Variants in ILDR2 observed in about 807,000 individuals in gnomAD.
ILDR2 encodes the protein immunoglobulin like domain containing receptor 2.
A neutral mutation model predicts 66.8 loss-of-function variants in ILDR2; 25 were observed. That is an observed-to-expected ratio of 0.37 (90% confidence interval 0.27 to 0.52). ILDR2 has a LOEUF of 0.52. ILDR2 is among the 20% of genes least tolerant of loss of function. The pLI is 0.88. For missense variants in ILDR2, 827 were observed against 876.8 expected, an observed-to-expected ratio of 0.94 and a Z score of 0.72; for synonymous variants, 367 against 357.2, an observed-to-expected ratio of 1.03 and a Z score of -0.31.
chr1:166,907,516 CTTA>C (rs1557920327), downstream of ILDR2, among the ~76,000 whole-genome samples: 8 of 152,116 alleles, frequency 5.3e-5, no homozygotes, highest in Admixed American at 1.3e-4. Context: ...GGGAACATCT[CTTA>C]ATAAATGGAG....
intron 2 of ILDR2, among the ~76,000 whole-genome samples, chr1:166,902,112 G>C (rs1571255278): frequency 2.0e-5 from 3 of 152,286 alleles, no homozygotes; most frequent in African/African-American, 7.2e-5. Flanking sequence ...CACCCGCCTT[G>C]GCCTCCCAAA....
rs1310769069 is a variant in ILDR2, at chr1:166,909,804, TA to T, written c.*9550del. On this transcript the variant is annotated 3_prime_UTR_variant, in exon 10 of 10. Coordinates refer to ENST00000271417, the MANE Select transcript of ILDR2 (RefSeq NM_199351.3). The stretch of plus-strand genomic sequence containing the variant: ...ATTTATATATATATATATATATATA[TA>T]TCCTTCTAGCTTTGCTCTACTGGAC... 38 of 134,922 alleles carry T rather than the reference TA, an allele frequency of 2.8e-4. No individual in the cohort carries two copies. The highest frequency in any genetic ancestry group is 9.8e-4 in the African/African-American group (35 of 35,658). 8.4% of individuals were successfully genotyped at this position (134,922 alleles called of 1,614,324 possible).
intron 9 of ILDR2, among the ~76,000 whole-genome samples, chr1:166,920,197 G>A (rs556752548): frequency 6.6e-6 from 1 of 152,298 alleles, no homozygotes; most frequent in African/African-American, 2.4e-5. Context: ...ACAGACATGA[G>A]TTGTCCTTTG....
intron 1 of ILDR2, among the ~76,000 whole-genome samples, chr1:166,967,460 T>C (rs1401063350): frequency 6.6e-6 from 1 of 152,138 alleles, no homozygotes; most frequent in Non-Finnish European, 1.5e-5. Flanking sequence ...CTTCTTTCCT[T>C]AACATATTTC....
intron 6 of ILDR2, among the ~76,000 whole-genome samples, chr1:166,934,066 G>C (rs1312805933): frequency 6.6e-6 from 1 of 152,034 alleles, no homozygotes; most frequent in Non-Finnish European, 1.5e-5. Context: ...TCTACATCTA[G>C]GGATTTAAAA....
chr1:166,952,866 T>C (rs1006956761), intron 3 of ILDR2, among the ~76,000 whole-genome samples: 6 of 152,176 alleles, frequency 3.9e-5, no homozygotes, highest in Admixed American at 3.9e-4. Context: ...ACACTTGAGT[T>C]TGATCGATGA....
At chr1:166,901,189 C>T (rs1659259262) in intron 2 of ILDR2, among the ~76,000 whole-genome samples, 1 of 152,150 alleles carries the variant, frequency 6.6e-6, no homozygotes. Flanking sequence ...ATTGAGCATG[C>T]CTCAAATGCT....
chr1:166,921,021 AT>A lies in ILDR2; in HGVS notation c.1569del (p.Lys523AsnfsTer77). 6.6e-7 allele frequency: 1 copy of A among 1,514,804 alleles called. No homozygotes were observed. The allele number at this position is 1,514,804 out of a possible 1,614,324, so 93.8% of individuals were successfully genotyped here. A position where few individuals can be genotyped will look rare whatever the true frequency, so the allele number is the denominator to read the frequency against. The part of the protein sequence containing the change: ...LVSRTPGTAP[K>X]YDHSYLGSAR... Reference sequence around the variant, plus strand: ...GCGCTGCCCAGGTACGAGTGGTCGTATTTGGGTGCGGTGCCTGGCGTGCGGC... The same window carrying A: ...GCGCTGCCCAGGTACGAGTGGTCGTATTGGGTGCGGTGCCTGGCGTGCGGC... On this transcript the variant is annotated frameshift_variant, in exon 9 of 10. Transcript: ENST00000271417. LOFTEE classifies it high-confidence loss of function. This position sits in a 1 kb window ranked among gnomAD's most constrained non-coding sequence, Gnocchi z 5.3.
At chr1:166,938,563 T>C (rs1246138705) in intron 4 of ILDR2, among the ~76,000 whole-genome samples, 1 of 152,228 alleles carries the variant, frequency 6.6e-6, no homozygotes. Context: ...GTAAAAAGAA[T>C]GTCTGTGTTT....
intron 4 of ILDR2, among the ~76,000 whole-genome samples, chr1:166,938,435 G>A (rs1223031506): frequency 6.6e-6 from 1 of 152,198 alleles, no homozygotes; most frequent in African/African-American, 2.4e-5. Context: ...GTAACATCTA[G>A]TTTCAAGCAC....
At position 166,935,350 on chromosome 1, in the gene ILDR2, C is replaced by A. The variant is rs528461366; in HGVS notation, c.831G>T (p.Pro277=). 6.2e-7 allele frequency: 1 copy of A among 1,613,996 alleles called. No individual in the cohort carries two copies. Among genetic ancestry groups the A allele is most frequent in the Non-Finnish European group, 8.5e-7 (1 of 1,180,000 alleles). The change falls in exon 6 of 10, where the codon CCG becomes CCT. Residue 277 remains proline (P), a synonymous_variant. Coordinates refer to ENST00000271417, the MANE Select transcript of ILDR2 (RefSeq NM_199351.3). ...APSSGMLMDK[P]HPPPLAPSDS... ...CACTTGGTGCCAAGGGAGGTGGATGCGGCTTGTCCATCAGCATGCCAGATG... is the reference window on the plus strand; with the variant it reads ...CACTTGGTGCCAAGGGAGGTGGATGAGGCTTGTCCATCAGCATGCCAGATG...
chr1:166,959,952 GAGTCCT>G (rs1662513090), intron 1 of ILDR2, among the ~76,000 whole-genome samples: 1 of 152,172 alleles, frequency 6.6e-6, no homozygotes, highest in Non-Finnish European at 1.5e-5. Context: ...ACTTTCCATG[GAGTCCT>G]GTCCTTTATT....
chr1:166,929,600 G>A (rs1484763058), intron 6 of ILDR2, among the ~76,000 whole-genome samples: 1 of 152,194 alleles, frequency 6.6e-6, no homozygotes, highest in Non-Finnish European at 1.5e-5. Context: ...TGCATTTTCA[G>A]TAGAGTTTTC....
At chr1:166,900,266 GC>G (rs1238794424) in intron 2 of ILDR2, among the ~76,000 whole-genome samples, 2 of 143,830 alleles carry the variant, frequency 1.4e-5, no homozygotes, top group African/African-American at 2.6e-5. Context: ...TCTCTCTATT[GC>G]CATCTTTCAT....
chr1:166,955,965 T>C (rs1662256860), intron 3 of ILDR2, among the ~76,000 whole-genome samples: 1 of 152,252 alleles, frequency 6.6e-6, no homozygotes, highest in African/African-American at 2.4e-5. Flanking sequence ...TTCTTATTTC[T>C]GTATGTTCTA....
chr1:166,912,863 CT>C lies in ILDR2; in HGVS notation c.*6491del, dbSNP rs566358635. 3.3e-5 allele frequency: 5 copies of C among 152,274 alleles called. No homozygotes were observed. In the East Asian group the frequency reaches 9.7e-4, roughly 29 times the overall value. 9.4% of individuals were successfully genotyped at this position (152,274 alleles called of 1,614,324 possible). A position where few individuals can be genotyped will look rare whatever the true frequency, so the allele number is the denominator to read the frequency against. Reference sequence around the variant, plus strand: ...TTCCTCCCTTCCCCAAGTGTAATTTCTAGCAGGCATATGCTTGTGCCCCTCT... The same window carrying C: ...TTCCTCCCTTCCCCAAGTGTAATTTCAGCAGGCATATGCTTGTGCCCCTCT... On this transcript the variant is annotated 3_prime_UTR_variant, in exon 10 of 10. Transcript: ENST00000271417.
At chr1:166,929,999 T>C (rs1201040570) in intron 6 of ILDR2, among the ~76,000 whole-genome samples, 2 of 152,166 alleles carry the variant, frequency 1.3e-5, no homozygotes, top group Non-Finnish European at 2.9e-5. Context: ...GAAGCACTGT[T>C]ATGGTAAACA....
rs1203835245 is a variant in ILDR2, at chr1:166,921,961, G to A, written c.1212-582C>T. 6.6e-6 allele frequency among the ~76,000 whole-genome samples: 1 copy of A among 152,190 alleles called. No individual in the cohort carries two copies. The highest frequency in any genetic ancestry group is 1.5e-5 in the Non-Finnish European group (1 of 68,020). On this transcript the variant is annotated intron_variant, in intron 8 of 9. Transcript: ENST00000271417. The surrounding 1 kb of genome is among the most constrained non-coding windows in gnomAD (Gnocchi z 5.3). ...TAGCAAATCTTAGCCTCCCACAATTGTTGTGGGAGGCCACATCACCTGGGT... is the reference window on the plus strand; with the variant it reads ...TAGCAAATCTTAGCCTCCCACAATTATTGTGGGAGGCCACATCACCTGGGT...
In ILDR2 at chr1:166,920,958, C is replaced by G. The variant is rs752853848; in HGVS notation, c.1633G>C (p.Gly545Arg). ...RQARPEGASRGGSLETPSKRS... is the reference protein window; with the variant it reads ...RQARPEGASRRGSLETPSKRS... Reference sequence around the variant, plus strand: ...TTGGATGGCGTCTCCAGGCTGCCACCGCGGCTGGCGCCCTCGGGCCGCGCC... The same window carrying G: ...TTGGATGGCGTCTCCAGGCTGCCACGGCGGCTGGCGCCCTCGGGCCGCGCC... Residue 545 changes from glycine to arginine, a missense_variant, in exon 9 of 10, where the codon GGT (glycine) becomes CGT (arginine). By Grantham distance (125) the Gly-to-Arg change is moderately radical (BLOSUM62 -2). Coordinates refer to ENST00000271417, the MANE Select transcript of ILDR2 (RefSeq NM_199351.3). 20 of 1,482,750 alleles carry G rather than the reference C, an allele frequency of 1.3e-5. No homozygotes were observed. The highest frequency in any genetic ancestry group is 2.9e-5 in the African/African-American group (2 of 68,770). The allele number at this position is 1,482,750 out of a possible 1,614,324, so 91.8% of individuals were successfully genotyped here.
Sources: gnomAD v4.1 joint callset for allele counts (sites outside exome capture counted in the v4.1 genomes callset) on GRCh38, gnomAD v4.1.1 for gene constraint, Gnocchi (gnomAD v3.1) non-coding constraint, MANE v1.5 for transcripts, NCBI Gene and HGNC (gene_info 2026-07-23, HGNC 2026-07-21) for gene names.